The following THG1L variants were observed in gnomAD, a reference collection of about 807,000 sequenced individuals.
THG1L encodes probable tRNA(His) guanylyltransferase.
In THG1L, 27 loss-of-function variants were observed where a neutral mutation model predicts 35.2. The observed-to-expected ratio is 0.77, with a 90% confidence interval of 0.57 to 1.06. The LOEUF (loss-of-function observed/expected upper bound fraction) is 1.06. Among genes scored for constraint, THG1L ranks in the 50% least tolerant of loss-of-function variants. The pLI is 0.00. For synonymous variants in THG1L, 135 were observed against 132.4 expected (o/e 1.02, Z -0.14); for missense variants, 377 against 371.8 (o/e 1.01, Z -0.12).
intron 5 of THG1L, 38 bp downstream of exon 5, chr5:157,738,032 A>G (rs1760928512): frequency 6.6e-7 from 1 of 1,525,794 alleles, no homozygotes; most frequent in Non-Finnish European, 9.0e-7. Flanking sequence ...GGAAGTCAGG[A>G]AAAAAGATAG....
At chr5:157,737,830 G>A (rs1581442428) in intron 4 of THG1L, 57 bp from the exon 5 acceptor site, 1 of 1,377,688 alleles carries the variant, frequency 7.3e-7, no homozygotes, top group Middle Eastern at 1.9e-4. Flanking sequence ...ATGGATAGTA[G>A]CACTAGGGGA....
intron 4 of THG1L, among the ~76,000 whole-genome samples, chr5:157,736,364 C>A (rs1463029889): frequency 6.6e-6 from 1 of 152,128 alleles, no homozygotes. Flanking sequence ...ATTCTCGTGC[C>A]TCAGCCTCCC....
At position 157,741,278 on chromosome 5, in the gene THG1L, A is replaced by G. The variant is rs1761035109; in HGVS notation, c.*1796A>G. 6.6e-6 allele frequency: 1 copy of G among 152,136 alleles called. No individual in the cohort carries two copies. The highest frequency in any genetic ancestry group is 2.1e-4 in the South Asian group (1 of 4,832). 9.4% of individuals were successfully genotyped at this position (152,136 alleles called of 1,614,324 possible). Reference sequence around the variant, plus strand: ...TGCAGAATTTACATCTAAGAAGAAAATGTATTTTTGAAAGGGTGATGGCTG... The same window carrying G: ...TGCAGAATTTACATCTAAGAAGAAAGTGTATTTTTGAAAGGGTGATGGCTG... On this transcript the variant is annotated 3_prime_UTR_variant, in exon 6 of 6. Coordinates refer to ENST00000231198, the MANE Select transcript of THG1L (RefSeq NM_017872.5).
At chr5:157,731,795 G>A (rs1327008913) in intron 1 of THG1L, among the ~76,000 whole-genome samples, 164 bp downstream of exon 1, 3 of 152,248 alleles carry the variant, frequency 2.0e-5, no homozygotes, top group Non-Finnish European at 4.4e-5. Flanking sequence ...GTGTTGGCTA[G>A]GACAGTGCCT....
chr5:157,731,685 A>G (rs1760724680), intron 1 of THG1L, 54 bp downstream of exon 1: 3 of 1,546,720 alleles, frequency 1.9e-6, no homozygotes, highest in Middle Eastern at 2.1e-4. Flanking sequence ...CGGGGAATCC[A>G]GCTTCTTCCC....
chr5:157,731,465 G>A lies in THG1L; in HGVS notation c.25G>A (p.Val9Ile). ...AATGTGGGGCGCCTGTAAAGTTAAG[G>A]TTCACGATTCCTTGGCCACCATTTC... Reference protein sequence around the residue: MWGACKVKVHDSLATISIT... With the variant: MWGACKVKIHDSLATISIT... Residue 9 changes from valine to isoleucine, a missense_variant, in exon 1 of 6, where the codon GTT (valine) becomes ATT (isoleucine). Coordinates refer to ENST00000231198, the MANE Select transcript of THG1L (RefSeq NM_017872.5). 2 of 1,607,114 alleles carry A rather than the reference G, an allele frequency of 1.2e-6. No individual in the cohort carries two copies. Among genetic ancestry groups the A allele is most frequent in the South Asian group, 2.2e-5 (2 of 89,856 alleles).
Position 157,740,144 on chromosome 5 carries a change from C to T in THG1L, c.*662C>T, listed in dbSNP as rs1028152312. On this transcript the variant is annotated 3_prime_UTR_variant, in exon 6 of 6. Coordinates refer to ENST00000231198, the MANE Select transcript of THG1L (RefSeq NM_017872.5). ...ATGATCATCATCTTCTAGCCAGGGG[C>T]ATAGTTGCCAAGGCCATTTACCTCT... 1.1e-4 allele frequency: 17 copies of T among 152,150 alleles called. No individual in the cohort carries two copies. The highest frequency in any genetic ancestry group is 3.6e-4 in the African/African-American group (15 of 41,436). 9.4% of individuals were successfully genotyped at this position (152,150 alleles called of 1,614,324 possible). A position where few individuals can be genotyped will look rare whatever the true frequency, so the allele number is the denominator to read the frequency against.
intron 2 of THG1L, among the ~76,000 whole-genome samples, chr5:157,733,569 A>G (rs1343851924): frequency 6.6e-6 from 1 of 152,026 alleles, no homozygotes; most frequent in Non-Finnish European, 1.5e-5. Flanking sequence ...GGCCTCAAGC[A>G]GTTCTCCTGT....
At chr5:157,738,131 C>A in intron 5 of THG1L, 137 bp downstream of exon 5, 1 of 642,676 alleles carries the variant, frequency 1.6e-6, no homozygotes, top group Non-Finnish European at 2.6e-6. Context: ...AGAGGAGAGG[C>A]CATAGATTCT....
rs775419758 is a variant in THG1L, at chr5:157,738,581, G to GTTT, written c.735+592_735+594dup. ...CTAAATTTATTTCCTTCCATGTAAA[G>GTTT]TTTTTTTGTTTTTTTTTTTTCTGAA... On this transcript the variant is annotated intron_variant, in intron 5 of 5. Coordinates refer to ENST00000231198, the MANE Select transcript of THG1L (RefSeq NM_017872.5). 2.2e-5 allele frequency: 9 copies of GTTT among 401,700 alleles called. No individual in the cohort carries two copies. The East Asian group carries it at 3.4e-4, about 15-fold the overall frequency. The allele number at this position is 401,700 out of a possible 1,614,324, so 24.9% of individuals were successfully genotyped here.
chr5:157,738,979 G>A (rs918937198), intron 5 of THG1L, among the ~76,000 whole-genome samples: 2 of 151,848 alleles, frequency 1.3e-5, no homozygotes, highest in African/African-American at 4.8e-5. Context: ...TCACCATGTT[G>A]GCCAGGCTGG....
intron 4 of THG1L, 84 bp from the exon 5 acceptor site, chr5:157,737,803 T>A: frequency 9.5e-7 from 1 of 1,049,010 alleles, no homozygotes; most frequent in East Asian, 2.6e-5. Context: ...ATTGTGGAAA[T>A]TTAGGTTGTG....
chr5:157,732,758 A>C, intron 1 of THG1L, 110 bp from the exon 2 acceptor site: 1 of 1,293,632 alleles, frequency 7.7e-7, no homozygotes, highest in Non-Finnish European at 1.1e-6. Context: ...ATTTGAGTTC[A>C]CAGTGCTATT....
At chr5:157,738,405 A>G (rs988252493) in intron 5 of THG1L, among the ~76,000 whole-genome samples, 1 of 152,226 alleles carries the variant, frequency 6.6e-6, no homozygotes, top group African/African-American at 2.4e-5. Flanking sequence ...GAGACAATGT[A>G]TATGAGGGTT....
chr5:157,734,542 T>C, intron 2 of THG1L, 34 bp from the exon 3 acceptor site: 1 of 1,610,472 alleles, frequency 6.2e-7, no homozygotes. Context: ...TTTTTCTTTT[T>C]CTTACTCCAC....
chr5:157,733,341 TA>T (rs1760780148), intron 2 of THG1L, among the ~76,000 whole-genome samples: 1 of 152,234 alleles, frequency 6.6e-6, no homozygotes, highest in Non-Finnish European at 1.5e-5. Flanking sequence ...TAACAATTCA[TA>T]GGTTGGCTTT....
chr5:157,737,771 G>C, intron 4 of THG1L, 116 bp from the exon 5 acceptor site: 1 of 726,642 alleles, frequency 1.4e-6, no homozygotes, highest in African/African-American at 1.8e-5. Flanking sequence ...TAAGATGTTT[G>C]ATAAAATCCT....
chr5:157,739,069 C>T (rs1302613216), intron 5 of THG1L, among the ~76,000 whole-genome samples: 10 of 151,758 alleles, frequency 6.6e-5, no homozygotes, highest in East Asian at 3.9e-4. Context: ...CCACCGCGCT[C>T]GGATAACATA....
At chr5:157,732,802 A>G in intron 1 of THG1L, 66 bp from the exon 2 acceptor site, 2 of 1,572,936 alleles carry the variant, frequency 1.3e-6, no homozygotes, top group Non-Finnish European at 1.7e-6. Context: ...TCTGTTATCT[A>G]GCAACAGAGC....
Sources: gnomAD v4.1 joint callset for allele counts (sites outside exome capture counted in the v4.1 genomes callset) on GRCh38, gnomAD v4.1.1 for gene constraint, MANE v1.5 for transcripts, NCBI Gene and HGNC (gene_info 2026-07-23, HGNC 2026-07-21) for gene names.